Variants in CDH11 observed in about 807,000 individuals in gnomAD.
CDH11 encodes the protein cadherin-11.
In CDH11, 11 loss-of-function variants were observed where a neutral mutation model predicts 67.8. The ratio of observed to expected loss-of-function variants is 0.16; its 90% confidence interval spans 0.10 to 0.27. The LOEUF (loss-of-function observed/expected upper bound fraction) is 0.27. Ranked by LOEUF, CDH11 falls within the 10% of genes least tolerant of loss-of-function variation. The probability of loss-of-function intolerance (pLI) is 1.00; values close to 1 mark genes in which losing one functional copy is unlikely to be tolerated. For synonymous variants in CDH11, 419 were observed against 400.0 expected (o/e 1.05, Z -0.57); for missense variants, 847 against 1,031.2 (o/e 0.82, Z 2.45).
Position 64,945,750 on chromosome 16 carries a change from A to G in CDH11, c.*1853T>C. On this transcript the variant is annotated 3_prime_UTR_variant, in exon 13 of 13. Transcript: ENST00000268603. ...TAAAATGGAAGTGAGCACTTCATAA[A>G]AAACATTTCTTTGTATGCATGTTGA... is the stretch of plus-strand genomic sequence containing the variant. 1 of 1,043,502 alleles carries G rather than the reference A, an allele frequency of 9.6e-7. No homozygotes were observed. The highest frequency in any genetic ancestry group is 1.2e-6 in the Non-Finnish European group (1 of 865,418). 64.6% of individuals were successfully genotyped at this position (1,043,502 alleles called of 1,614,324 possible).
intron 2 of CDH11, among the ~76,000 whole-genome samples, chr16:65,021,368 T>G (rs1239445749): frequency 6.6e-6 from 1 of 152,200 alleles, no homozygotes; most frequent in Non-Finnish European, 1.5e-5. Context: ...TCTCTGGCAC[T>G]TCCTCTGTTT....
intron 2 of CDH11, among the ~76,000 whole-genome samples, chr16:65,050,905 T>C (rs1457902218): frequency 1.3e-5 from 2 of 152,092 alleles, no homozygotes; most frequent in Admixed American, 6.6e-5. Flanking sequence ...GCCCCTATTA[T>C]CTAGAAAAAT....
Position 64,972,037 on chromosome 16 carries a change from G to A in CDH11, c.1418C>T (p.Pro473Leu), listed in dbSNP as rs1373694959. 2.5e-6 allele frequency: 4 copies of A among 1,613,674 alleles called. No individual in the cohort carries two copies. The change falls in exon 10 of 13, where the codon CCA (proline) becomes CTA (leucine). Residue 473 changes from proline to leucine, a missense_variant. Pro to Leu is a moderately conservative substitution (Grantham distance 98). Coordinates refer to ENST00000268603, the MANE Select transcript of CDH11 (RefSeq NM_001797.4). The part of the protein sequence containing the change: ...IHNRHQEAKV[P>L]VAIRVLDVND... Reference sequence around the variant, plus strand: ...GACATCAAGGACCCTAATGGCCACTGGGACTTTGGCTTCCTGATGCCGATT... The same window carrying A: ...GACATCAAGGACCCTAATGGCCACTAGGACTTTGGCTTCCTGATGCCGATT...
chr16:64,971,978 C>A lies in CDH11; in HGVS notation c.1477G>T (p.Glu493Ter). The change falls in exon 10 of 13, where the codon GAA (glutamate) becomes TAA (stop). Residue 493 changes from glutamate to a stop codon, truncating the protein, a stop_gained. Coordinates refer to ENST00000268603, the MANE Select transcript of CDH11 (RefSeq NM_001797.4). LOFTEE classifies it high-confidence loss of function. ...DNAPKFAAPY[E>*]GFICESDQTK... is the part of the protein sequence containing the mutation. Reference sequence around the variant, plus strand: ...TGATCACTCTCACAGATGAAACCTTCATAAGGGGCAGCAAACTTGGGAGCA... The same window carrying A: ...TGATCACTCTCACAGATGAAACCTTAATAAGGGGCAGCAAACTTGGGAGCA... 1.2e-6 allele frequency: 2 copies of A among 1,614,004 alleles called. No individual in the cohort carries two copies. Among genetic ancestry groups the A allele is most frequent in the Non-Finnish European group, 1.7e-6 (2 of 1,179,908 alleles).
chr16:64,995,675 A>C (rs118111236), intron 4 of CDH11, among the ~76,000 whole-genome samples: 2,791 of 152,306 alleles, frequency 0.018, 30 homozygotes, highest in Non-Finnish European at 0.025. Context: ...CATTCTGGAC[A>C]TTGGCCTTGG....
rs562038745 is a variant in CDH11 at position 65,078,885 on chromosome 16, T to C, written c.-297-24957A>G. 8.5e-5 allele frequency among the ~76,000 whole-genome samples: 13 copies of C among 152,304 alleles called. No homozygotes were observed. In the South Asian group the frequency reaches 2.7e-3, roughly 32 times the overall value. ...CCTGGGGCTGCTGACTGCCTGGCTGTAAGCAATGTATAATCCAGCTGTTTT... is the reference window on the plus strand; with the variant it reads ...CCTGGGGCTGCTGACTGCCTGGCTGCAAGCAATGTATAATCCAGCTGTTTT... On this transcript the variant is annotated intron_variant, in intron 1 of 12. Transcript: ENST00000268603.
At chr16:65,091,771 T>A (rs2074797033) in intron 1 of CDH11, among the ~76,000 whole-genome samples, 1 of 152,144 alleles carries the variant, frequency 6.6e-6, no homozygotes, top group African/African-American at 2.4e-5. Context: ...CAGGATGGTC[T>A]CGATCTCCCA....
At chr16:65,116,524 T>A (rs1415500184) in intron 1 of CDH11, among the ~76,000 whole-genome samples, 1 of 152,170 alleles carries the variant, frequency 6.6e-6, no homozygotes, top group East Asian at 1.9e-4. Context: ...CAGGAGGATT[T>A]CTGGCAAATA....
intron 2 of CDH11, among the ~76,000 whole-genome samples, chr16:65,018,416 A>AT (rs1000553910): frequency 7.1e-4 from 108 of 152,314 alleles, no homozygotes; most frequent in African/African-American, 2.5e-3. Context: ...TTACAAAAAA[A>AT]TTTTAAAAAA....
chr16:65,096,569 C>T (rs953527554), intron 1 of CDH11, among the ~76,000 whole-genome samples: 7 of 150,502 alleles, frequency 4.7e-5, no homozygotes, highest in African/African-American at 1.7e-4. Context: ...TATATACACA[C>T]ATATATTATA....
chr16:64,994,816 G>A (rs1002180212), intron 4 of CDH11, among the ~76,000 whole-genome samples: 2 of 152,152 alleles, frequency 1.3e-5, no homozygotes, highest in Admixed American at 6.5e-5. Flanking sequence ...AAACTCTAAA[G>A]ACTCTGCCAA....
At chr16:65,019,937 C>A (rs1416297621) in intron 2 of CDH11, among the ~76,000 whole-genome samples, 1 of 151,864 alleles carries the variant, frequency 6.6e-6, no homozygotes, top group Non-Finnish European at 1.5e-5. Context: ...TAATCTTTTA[C>A]CAAAAACACA....
intron 1 of CDH11, among the ~76,000 whole-genome samples, chr16:65,108,535 T>C (rs1186472692): frequency 2.6e-5 from 4 of 152,174 alleles, no homozygotes; most frequent in African/African-American, 7.2e-5. Context: ...TGGAGTGAAG[T>C]TGTTCAAGAT....
intron 2 of CDH11, among the ~76,000 whole-genome samples, chr16:65,032,984 A>G (rs1273630770): frequency 6.6e-6 from 1 of 152,142 alleles, no homozygotes; most frequent in African/African-American, 2.4e-5. Context: ...CAGACCAATC[A>G]AGTTTGAGCA....
intron 7 of CDH11, chr16:64,982,621 C>T (rs2072383756): frequency 4.4e-6 from 1 of 225,070 alleles, no homozygotes; most frequent in South Asian, 1.2e-4. Flanking sequence ...GGAATTAAAA[C>T]ATTGCAAAAA....
intron 1 of CDH11, among the ~76,000 whole-genome samples, chr16:65,062,556 T>G (rs1355396099): frequency 5.3e-5 from 8 of 152,322 alleles, no homozygotes; most frequent in African/African-American, 1.7e-4. Context: ...ATCAGGTTTC[T>G]CAAAATTAAG....
At chr16:65,102,595 C>T (rs1259161634) in intron 1 of CDH11, among the ~76,000 whole-genome samples, 2 of 152,174 alleles carry the variant, frequency 1.3e-5, no homozygotes, top group Non-Finnish European at 2.9e-5. Context: ...TTGCATGTTG[C>T]GATTTTTGTC....
At chr16:64,971,806 C>G in intron 10 of CDH11, 110 bp from the exon 11 acceptor site, 1 of 1,402,136 alleles carries the variant, frequency 7.1e-7, no homozygotes, top group Admixed American at 1.8e-5. Flanking sequence ...AACATAACTT[C>G]AGAACAAAAC....
chr16:65,086,042 C>T (rs555435823), intron 1 of CDH11, among the ~76,000 whole-genome samples: 1 of 152,306 alleles, frequency 6.6e-6, no homozygotes, highest in South Asian at 2.1e-4. Flanking sequence ...TTTGATGCTG[C>T]TTTTAAGAGT....
Sources: allele counts gnomAD v4.1 joint callset (sites outside exome capture counted in the v4.1 genomes callset), GRCh38; gene constraint gnomAD v4.1.1; transcripts MANE v1.5; gene names NCBI Gene and HGNC (gene_info 2026-07-23, HGNC 2026-07-21).